SEPHS1: variants seen among roughly 807,000 people sequenced by gnomAD.
The protein encoded by SEPHS1 is selenophosphate synthetase 1.
In SEPHS1, 7 loss-of-function variants were observed where a neutral mutation model predicts 39.2. The observed-to-expected ratio is 0.18, with a 90% CI of 0.10 to 0.34. The LOEUF is 0.34. Among genes scored for constraint, SEPHS1 ranks in the 10% least tolerant of loss-of-function variants. The probability of loss-of-function intolerance (pLI) is 1.00; values close to 1 mark genes in which losing one functional copy is unlikely to be tolerated. For synonymous variants in SEPHS1, 190 were observed against 195.5 expected, an observed-to-expected ratio of 0.97 and a Z score of 0.23; for missense variants, 253 against 514.5, an observed-to-expected ratio of 0.49 and a Z score of 4.92.
chr10:13,329,121 C>G (rs116438139), intron 6 of SEPHS1, among the ~76,000 whole-genome samples: 2 of 152,026 alleles, frequency 1.3e-5, no homozygotes, highest in Admixed American at 1.3e-4. Flanking sequence ...TGAGTTGTTA[C>G]GGCAATGAAG....
chr10:13,336,141 C>T, intron 4 of SEPHS1, 102 bp downstream of exon 4: 1 of 736,246 alleles, frequency 1.4e-6, no homozygotes, highest in Non-Finnish European at 2.3e-6. Flanking sequence ...AGCCATATGG[C>T]CTGGGCTCCT....
chr10:13,336,099 C>A (rs1833624542), intron 4 of SEPHS1, 144 bp downstream of exon 4: 1 of 540,800 alleles, frequency 1.8e-6, no homozygotes, highest in Admixed American at 3.0e-5. Context: ...CTGGTAACTG[C>A]CAAAAAGTGG....
intron 2 of SEPHS1, among the ~76,000 whole-genome samples, chr10:13,342,162 G>C (rs1464037519): frequency 2.0e-5 from 3 of 151,928 alleles, no homozygotes; most frequent in African/African-American, 7.3e-5. Context: ...AGCTACTCGG[G>C]AGGCTGAGGC....
At chr10:13,334,053 T>TA (rs746945903) in intron 4 of SEPHS1, 82 bp from the exon 5 acceptor site, 97 of 1,243,538 alleles carry the variant, frequency 7.8e-5, no homozygotes, top group African/African-American at 1.5e-4. Flanking sequence ...CTTACAGTTA[T>TA]AAAAAGAACC....
intron 4 of SEPHS1, among the ~76,000 whole-genome samples, chr10:13,334,654 A>C (rs1179139883): frequency 1.3e-5 from 2 of 152,108 alleles, no homozygotes; most frequent in Admixed American, 6.5e-5. Flanking sequence ...AGGCTGCTGC[A>C]GTGAGCTCTC....
chr10:13,333,494 G>A (rs1012331084), intron 5 of SEPHS1, among the ~76,000 whole-genome samples: 3 of 151,420 alleles, frequency 2.0e-5, no homozygotes, highest in Non-Finnish European at 1.5e-5. Context: ...AGGCTAGAGT[G>A]CAGGGGCATG....
At chr10:13,337,735 A>T (rs1181289924) in intron 3 of SEPHS1, among the ~76,000 whole-genome samples, 4 of 152,204 alleles carry the variant, frequency 2.6e-5, no homozygotes, top group African/African-American at 9.7e-5. Flanking sequence ...CTGTGGTTTT[A>T]GCCATCCCTG....
chr10:13,318,433 T>C lies in SEPHS1; in HGVS notation c.*709A>G, dbSNP rs1305692413. 2.0e-5 allele frequency: 3 copies of C among 152,650 alleles called. No individual in the cohort carries two copies. The highest frequency in any genetic ancestry group is 7.2e-5 in the African/African-American group (3 of 41,448). The allele number at this position is 152,650 out of a possible 1,614,324, so 9.5% of individuals were successfully genotyped here. A position where few individuals can be genotyped will look rare whatever the true frequency, so the allele number is the denominator to read the frequency against. ...TAGCACTATAGAACATCTAATAACA[T>C]TGCAAAAAGTATCCTTTTTTGCTAT... On this transcript the variant is annotated 3_prime_UTR_variant, in exon 9 of 9. Coordinates refer to ENST00000327347, the MANE Select transcript of SEPHS1 (RefSeq NM_012247.5).
chr10:13,326,695 G>C (rs1833305538), intron 7 of SEPHS1, among the ~76,000 whole-genome samples: 1 of 151,860 alleles, frequency 6.6e-6, no homozygotes, highest in Non-Finnish European at 1.5e-5. Flanking sequence ...CTACAGGAAT[G>C]CACCAGGCGC....
intron 8 of SEPHS1, among the ~76,000 whole-genome samples, chr10:13,320,470 T>C (rs1486559089): frequency 2.7e-5 from 4 of 150,860 alleles, no homozygotes; most frequent in South Asian, 4.3e-4. Flanking sequence ...CGTGAGCCAC[T>C]GCACCGGGCC....
At chr10:13,331,730 C>T (rs1276295914) in intron 5 of SEPHS1, among the ~76,000 whole-genome samples, 1 of 152,192 alleles carries the variant, frequency 6.6e-6, no homozygotes, top group African/African-American at 2.4e-5. Flanking sequence ...AAAGTGACAA[C>T]TTGGTTAGGA....
intron 8 of SEPHS1, chr10:13,322,143 C>T (rs1351056172): frequency 2.7e-3 from 843 of 316,686 alleles, no homozygotes; most frequent in South Asian, 5.4e-3. Context: ...ATTCTCTTTT[C>T]TTTTTTTTTT....
chr10:13,334,799 A>T (rs1004926689), intron 4 of SEPHS1, among the ~76,000 whole-genome samples: 1 of 152,254 alleles, frequency 6.6e-6, no homozygotes. Context: ...CAACAATGTA[A>T]ATAAAGCCCA....
intron 7 of SEPHS1, among the ~76,000 whole-genome samples, chr10:13,327,277 G>T (rs1163198370): frequency 7.1e-6 from 1 of 141,840 alleles, no homozygotes; most frequent in East Asian, 2.0e-4. Context: ...AGTTTACTAG[G>T]ATACATAATA....
chr10:13,341,860 G>C (rs1833794373), intron 2 of SEPHS1, among the ~76,000 whole-genome samples: 1 of 151,922 alleles, frequency 6.6e-6, no homozygotes, highest in African/African-American at 2.4e-5. Flanking sequence ...TTGGAGGGAG[G>C]CTGAGGCATG....
In SEPHS1 at chr10:13,341,504, C is replaced by A. The variant is rs905258018; in HGVS notation, c.194-2696G>T. The stretch of plus-strand genomic sequence containing the variant: ...TACTTGATAGCTCCTAGGCACCAGG[C>A]AACAAATGTCTCTGGTTCTAAGGCA... On this transcript the variant is annotated intron_variant, in intron 2 of 8. Coordinates refer to ENST00000327347, the MANE Select transcript of SEPHS1 (RefSeq NM_012247.5). Among the ~76,000 whole-genome samples, 3 of 148,952 alleles carry A rather than the reference C, an allele frequency of 2.0e-5. No individual in the cohort carries two copies. In the Admixed American group the frequency reaches 2.0e-4, roughly 10 times the overall value.
rs1348771049 is a variant in SEPHS1, at chr10:13,344,810, C to T, written c.141G>A (p.Glu47=). The T allele has an allele frequency of 4.4e-6, 7 of 1,593,116 alleles. No homozygotes were observed. The Admixed American group carries it at 1.2e-4, about 28-fold the overall frequency. ...ACTGCTCATCTTCTTGGAAGTGGTT[C>T]TCCTGTAAAGATTCCAGCAATTTTT... ...VLQKLLESLQ[E]NHFQEDEQFL... Residue 47 remains glutamate (E), a synonymous_variant, in exon 2 of 9, where the codon GAG becomes GAA. Coordinates refer to ENST00000327347, the MANE Select transcript of SEPHS1 (RefSeq NM_012247.5).
chr10:13,344,687 G>C, intron 2 of SEPHS1, 71 bp downstream of exon 2: 4 of 1,097,114 alleles, frequency 3.6e-6, no homozygotes, highest in Non-Finnish European at 5.0e-6. Context: ...AGGCAACATG[G>C]GAGGCGAGAA....
intron 5 of SEPHS1, among the ~76,000 whole-genome samples, chr10:13,331,662 C>G (rs1041842554): frequency 6.6e-6 from 1 of 152,222 alleles, no homozygotes; most frequent in African/African-American, 2.4e-5. Context: ...GGATTACAGG[C>G]ATGAGCCACC....
Sources: allele counts gnomAD v4.1 joint callset (sites outside exome capture counted in the v4.1 genomes callset), GRCh38; gene constraint gnomAD v4.1.1; transcripts MANE v1.5; gene names NCBI Gene and HGNC (gene_info 2026-07-23, HGNC 2026-07-21).